Variants in TBC1D13 observed in about 807,000 individuals in gnomAD.
TBC1D13 encodes the protein TBC1 domain family member 13.
TBC1D13 carries 40 observed loss-of-function variants against 53.6 expected under a neutral mutation model. That is an observed-to-expected ratio of 0.75 (90% CI 0.58 to 0.97). The LOEUF (loss-of-function observed/expected upper bound fraction) is 0.97, where lower values mean the gene tolerates loss of function less well. Among genes scored for constraint, TBC1D13 ranks in the 50% least tolerant of loss-of-function variants. TBC1D13 has a pLI of 0.00. For synonymous variants in TBC1D13, 182 were observed against 197.7 expected (o/e 0.92, Z 0.67); for missense variants, 377 against 499.4 (o/e 0.75, Z 2.34).
chr9:128,790,253 T>C (rs1829506263), intron 2 of TBC1D13, among the ~76,000 whole-genome samples: 1 of 38,244 alleles, frequency 2.6e-5, no homozygotes, highest in Non-Finnish European at 5.5e-5. Flanking sequence ...CAAGACTTTG[T>C]CTCCAAAAAA....
Position 128,797,184 on chromosome 9 carries a change from G to A in TBC1D13, c.513G>A (p.Thr171=), listed in dbSNP as rs949824053. Residue 171 remains threonine, a synonymous_variant, in exon 7 of 12, where the codon ACG becomes ACA. Transcript: ENST00000372648. The part of the protein sequence containing the change: ...RVEQTTLKSQ[T]VARNRSGVTN... ...AACAGACAACACTGAAATCTCAGAC[G>A]GTGGCCCGGAACCGGAGTGGGGTCA... is the stretch of plus-strand genomic sequence containing the variant. The A allele has an allele frequency of 3.1e-6, 5 of 1,614,060 alleles. No individual in the cohort carries two copies. Among genetic ancestry groups the A allele is most frequent in the African/African-American group, 2.7e-5 (2 of 75,024 alleles).
At chr9:128,803,530 C>T in intron 8 of TBC1D13, 70 bp downstream of exon 8, 3 of 1,452,984 alleles carry the variant, frequency 2.1e-6, no homozygotes, top group Non-Finnish European at 2.9e-6. Flanking sequence ...CACTTTCCCT[C>T]TCGGGCCTCT....
At chr9:128,800,107 T>C (rs927756498) in intron 7 of TBC1D13, among the ~76,000 whole-genome samples, 1 of 152,222 alleles carries the variant, frequency 6.6e-6, no homozygotes, top group South Asian at 2.1e-4. Context: ...CGCATACATA[T>C]GTATGTGTAT....
chr9:128,807,610 T>C (rs1250272465), intron 11 of TBC1D13, among the ~76,000 whole-genome samples: 1 of 152,172 alleles, frequency 6.6e-6, no homozygotes, highest in Non-Finnish European at 1.5e-5. Context: ...TGGTTGTGTT[T>C]GGATCGTTGA....
Position 128,808,442 on chromosome 9 carries a change from T to TGTGTGTGTGTGC in TBC1D13, c.*574_*575insCGTGTGTGTGTG, listed in dbSNP as rs1829884239. On this transcript the variant is annotated 3_prime_UTR_variant, in exon 12 of 12. Coordinates refer to ENST00000372648, the MANE Select transcript of TBC1D13 (RefSeq NM_018201.5). ...GTGTGTGTGTGTGTGTGTGTGTGTG[T>TGTGTGTGTGTGC]GTGTGTGTGTGTGTTAGGGAGTGAG... is the stretch of plus-strand genomic sequence containing the variant. 1 of 174,578 alleles carries TGTGTGTGTGTGC rather than the reference T, an allele frequency of 5.7e-6. No individual in the cohort carries two copies. Among genetic ancestry groups the TGTGTGTGTGTGC allele is most frequent in the East Asian group, 1.6e-4 (1 of 6,436 alleles). 10.8% of individuals were successfully genotyped at this position (174,578 alleles called of 1,614,324 possible).
intron 2 of TBC1D13, 70 bp downstream of exon 2, chr9:128,788,477 A>G: frequency 7.0e-7 from 1 of 1,423,020 alleles, no homozygotes; most frequent in Non-Finnish European, 9.9e-7. Context: ...GGGGGAGGCC[A>G]CACCTGGTCA....
At position 128,806,027 on chromosome 9, in the gene TBC1D13, C is replaced by T. The variant is rs372896776; in HGVS notation, c.1079+8C>T. The stretch of plus-strand genomic sequence containing the variant: ...CTGCTGCGCCATGCTCATGTGAGTG[C>T]GGGCATGAGCTGTCATCAGCTCACC... On this transcript the variant is annotated splice_region_variant and intron_variant, in intron 10 of 11. Coordinates refer to ENST00000372648, the MANE Select transcript of TBC1D13 (RefSeq NM_018201.5). 19 of 1,612,414 alleles carry T rather than the reference C, an allele frequency of 1.2e-5. No individual in the cohort carries two copies. The highest frequency in any genetic ancestry group is 6.7e-5 in the East Asian group (3 of 44,868).
chr9:128,787,552 C>G (rs1390456959), intron 1 of TBC1D13, among the ~76,000 whole-genome samples, 176 bp downstream of exon 1: 1 of 152,090 alleles, frequency 6.6e-6, no homozygotes, highest in Non-Finnish European at 1.5e-5. Flanking sequence ...GACGGAGGGG[C>G]GGCCCTTCTC....
At chr9:128,797,326 C>T in intron 7 of TBC1D13, 112 bp downstream of exon 7, 1 of 1,177,758 alleles carries the variant, frequency 8.5e-7, no homozygotes, top group Non-Finnish European at 1.2e-6. Context: ...TTGACAGTTA[C>T]TCAGCGCAAT....
intron 6 of TBC1D13, among the ~76,000 whole-genome samples, chr9:128,794,476 T>C (rs1391249748): frequency 6.6e-6 from 1 of 152,054 alleles, no homozygotes; most frequent in Admixed American, 6.6e-5. Context: ...TTTTTTGTTT[T>C]TGTTTTTGTT....
intron 9 of TBC1D13, among the ~76,000 whole-genome samples, chr9:128,804,721 T>G (rs1323231852): frequency 1.4e-3 from 14 of 9,996 alleles, no homozygotes; most frequent in African/African-American, 4.8e-3. Flanking sequence ...TTTTTTTCTG[T>G]TTTTTTTTTT....
chr9:128,800,097 C>T (rs947937917), intron 7 of TBC1D13, among the ~76,000 whole-genome samples: 2 of 152,146 alleles, frequency 1.3e-5, no homozygotes, highest in Non-Finnish European at 2.9e-5. Flanking sequence ...TGCATGTGTG[C>T]GCATACATAT....
At chr9:128,802,238 A>G (rs12551647) in intron 7 of TBC1D13, among the ~76,000 whole-genome samples, 5,417 of 142,460 alleles carry the variant, frequency 0.038, 231 homozygotes, top group Admixed American at 0.11. Flanking sequence ...TTGTATTTTT[A>G]ATAGAGACAG....
Position 128,798,517 on chromosome 9 carries a change from C to G in TBC1D13, c.543+1303C>G, listed in dbSNP as rs187660270. 1.3e-4 allele frequency among the ~76,000 whole-genome samples: 20 copies of G among 152,228 alleles called. 1 individual carries two copies. In the South Asian group the frequency reaches 4.1e-3, roughly 32 times the overall value. On this transcript the variant is annotated intron_variant, in intron 7 of 11. Transcript: ENST00000372648. ...AAATGCTTTAGGCACTGTGGAGATA[C>G]AGGAGTGGCGGTAGAGAGGCTACCT...
At chr9:128,800,063 T>G (rs1363752599) in intron 7 of TBC1D13, among the ~76,000 whole-genome samples, 1 of 152,214 alleles carries the variant, frequency 6.6e-6, no homozygotes, top group Non-Finnish European at 1.5e-5. Flanking sequence ...GTGGCTGATG[T>G]GTGTCTGTGT....
chr9:128,808,041 T>TCTG lies in TBC1D13; in HGVS notation c.*164_*166dup, dbSNP rs1430242294. On this transcript the variant is annotated 3_prime_UTR_variant, in exon 12 of 12. Transcript: ENST00000372648. ...TGGGGACACACTGTGCCGTGCTCCT[T>TCTG]CTGCCGCCACGCCCAGCTCCCCACC... 3.0e-6 allele frequency: 2 copies of TCTG among 665,450 alleles called. No individual in the cohort carries two copies. Among genetic ancestry groups the TCTG allele is most frequent in the Admixed American group, 2.3e-5 (1 of 43,486 alleles). 41.2% of individuals were successfully genotyped at this position (665,450 alleles called of 1,614,324 possible).
chr9:128,796,461 G>C (rs1243593278), intron 6 of TBC1D13, among the ~76,000 whole-genome samples: 1 of 152,000 alleles, frequency 6.6e-6, no homozygotes, highest in Non-Finnish European at 1.5e-5. Flanking sequence ...ATGTTGGTCA[G>C]GCTGGTCTCA....
chr9:128,803,485 T>G (rs1392827366), intron 8 of TBC1D13, 25 bp downstream of exon 8: 2 of 1,608,820 alleles, frequency 1.2e-6, no homozygotes, highest in African/African-American at 2.7e-5. Flanking sequence ...GGTGCCCACA[T>G]CCCTCGTTGC....
chr9:128,794,070 G>A (rs1202229912), intron 6 of TBC1D13, among the ~76,000 whole-genome samples: 2 of 152,224 alleles, frequency 1.3e-5, no homozygotes, highest in African/African-American at 2.4e-5. Flanking sequence ...TTCCTTTGGG[G>A]GATCGAGGAA....
Sources: gnomAD v4.1 joint callset for allele counts (sites outside exome capture counted in the v4.1 genomes callset) on GRCh38, gnomAD v4.1.1 for gene constraint, MANE v1.5 for transcripts, NCBI Gene and HGNC (gene_info 2026-07-23, HGNC 2026-07-21) for gene names.